The following CFAP20 variants were observed in gnomAD, a reference collection of about 807,000 sequenced individuals.
CFAP20 encodes the protein cilia and flagella associated protein 20.
A neutral mutation model predicts 25.5 loss-of-function variants in CFAP20; 14 were observed. The ratio of observed to expected loss-of-function variants is 0.55; its 90% CI spans 0.36 to 0.86. The LOEUF (loss-of-function observed/expected upper bound fraction) is 0.86, where lower values mean the gene tolerates loss of function less well. Among genes scored for constraint, CFAP20 ranks in the 40% least tolerant of loss-of-function variants. The pLI is 0.01. For missense variants in CFAP20, 181 were observed against 248.0 expected, an observed-to-expected ratio of 0.73 and a Z score of 1.81; for synonymous variants, 75 against 91.1, an observed-to-expected ratio of 0.82 and a Z score of 1.01.
At chr16:58,116,424 GA>G (rs1171185245) in intron 2 of CFAP20, 1 of 341,758 alleles carries the variant, frequency 2.9e-6, no homozygotes, top group Non-Finnish European at 5.4e-6. Context: ...TCCAGTGAGA[GA>G]AGACCTCAAT....
intron 1 of CFAP20, among the ~76,000 whole-genome samples, chr16:58,117,654 C>T (rs904833120): frequency 6.6e-5 from 10 of 151,992 alleles, no homozygotes; most frequent in African/African-American, 1.9e-4. Context: ...AGGCTGGTCT[C>T]GAACTCCTGA....
intron 1 of CFAP20, among the ~76,000 whole-genome samples, chr16:58,128,065 T>C (rs1960644149): frequency 6.6e-6 from 1 of 152,202 alleles, no homozygotes; most frequent in South Asian, 2.1e-4. Flanking sequence ...ACTAAGAATA[T>C]GACTTAAATT....
chr16:58,115,832 T>C (rs1455403410), intron 3 of CFAP20: 1 of 515,006 alleles, frequency 1.9e-6, no homozygotes, highest in Admixed American at 3.4e-5. Flanking sequence ...TTACTAGGTT[T>C]TCTAGGTGCT....
chr16:58,128,903 C>CA, intron 1 of CFAP20, 129 bp downstream of exon 1: 1 of 840,100 alleles, frequency 1.2e-6, no homozygotes, highest in Non-Finnish European at 1.6e-6. Flanking sequence ...AGGCTGGGGA[C>CA]AAGGCACAGC....
At position 58,116,971 on chromosome 16, in the gene CFAP20, AT is replaced by A. The variant is rs1960465978; in HGVS notation, c.85-21del. 6.2e-7 allele frequency: 1 copy of A among 1,606,546 alleles called. No individual in the cohort carries two copies. On this transcript the variant is annotated intron_variant, in intron 1 of 5. Transcript: ENST00000262498. ...CCGTACCTACAAGAAAGAAAATTCG[AT>A]TAGTACTGAAATATCTGACAAGGCT...
At chr16:58,126,044 C>T (rs376112071) in intron 1 of CFAP20, among the ~76,000 whole-genome samples, 16 of 152,106 alleles carry the variant, frequency 1.1e-4, no homozygotes, top group African/African-American at 1.4e-4. Context: ...TCTTCATAAC[C>T]GTGAGAAATA....
chr16:58,119,359 A>G (rs993449341), intron 1 of CFAP20: 3 of 152,242 alleles, frequency 2.0e-5, no homozygotes, highest in African/African-American at 7.2e-5. Context: ...AAGCGTTCAA[A>G]TATTTGCTGA....
At chr16:58,115,731 T>A (rs1960449053) in intron 3 of CFAP20, 1 of 539,968 alleles carries the variant, frequency 1.9e-6, no homozygotes, top group African/African-American at 1.9e-5. Flanking sequence ...TTCTTCCTTT[T>A]GAAAAATCAG....
intron 4 of CFAP20, 71 bp from the exon 5 acceptor site, chr16:58,114,991 G>T: frequency 7.3e-7 from 1 of 1,369,598 alleles, no homozygotes; most frequent in Non-Finnish European, 1.0e-6. Context: ...TCTTCTAGAG[G>T]CCCTCTTCCA....
intron 1 of CFAP20, among the ~76,000 whole-genome samples, chr16:58,123,579 G>T (rs1249467760): frequency 2.0e-5 from 2 of 99,432 alleles, no homozygotes; most frequent in African/African-American, 7.5e-5. Context: ...CTGGGGGACA[G>T]AGCAAGACTC....
chr16:58,114,525 C>CA lies in CFAP20; in HGVS notation c.576+284dup, dbSNP rs57272078. 2.3e-3 allele frequency among the ~76,000 whole-genome samples: 296 copies of CA among 128,792 alleles called. 1 individual carries two copies. The highest frequency in any genetic ancestry group is 4.0e-3 in the Middle Eastern group (1 of 248). The allele number at this position is 128,792 out of a possible 152,430, so 84.5% of individuals were successfully genotyped here. ...TGGGCAACAGGGCAAGACTCCATCT[C>CA]AAAAAAAAAAAAAAGTTAAGATATT... On this transcript the variant is annotated intron_variant, in intron 5 of 5. Transcript: ENST00000262498.
chr16:58,117,102 C>T lies in CFAP20; in HGVS notation c.85-151G>A. 3 of 636,066 alleles carry T rather than the reference C, an allele frequency of 4.7e-6. No homozygotes were observed. The South Asian group carries it at 6.1e-5, about 13-fold the overall frequency. The allele number at this position is 636,066 out of a possible 1,614,324, so 39.4% of individuals were successfully genotyped here. A position where few individuals can be genotyped will look rare whatever the true frequency, so the allele number is the denominator to read the frequency against. ...ATGTAAGTAAGCCAAGCTATTACCT[C>T]TAGACAGGGTCACACCAACCACCAA... On this transcript the variant is annotated intron_variant, in intron 1 of 5. Transcript: ENST00000262498.
chr16:58,117,727 C>G (rs968177014), intron 1 of CFAP20, among the ~76,000 whole-genome samples: 2 of 152,232 alleles, frequency 1.3e-5, no homozygotes, highest in African/African-American at 2.4e-5. Context: ...GCCACTGCGC[C>G]CGTCCTGCCT....
Position 58,115,314 on chromosome 16 carries a change from T to C in CFAP20, c.420A>G (p.Thr140=), listed in dbSNP as rs1960443015. 2.5e-6 allele frequency: 4 copies of C among 1,614,196 alleles called. No homozygotes were observed. The highest frequency in any genetic ancestry group is 2.2e-5 in the East Asian group (1 of 44,884). Residue 140 remains threonine, a synonymous_variant, in exon 4 of 6, where the codon ACA becomes ACG. Coordinates refer to ENST00000262498, the MANE Select transcript of CFAP20 (RefSeq NM_013242.3). The part of the protein sequence containing the change: ...NQIQFNLLDF[T]RRAYGTNYIE... ...TGTAATTGGTGCCGTATGCTCGCCG[T>C]GTGAAGTCTAGCAAGTTGAACTGAA...
intron 1 of CFAP20, among the ~76,000 whole-genome samples, chr16:58,127,812 C>T (rs929866070): frequency 6.6e-6 from 1 of 152,170 alleles, no homozygotes; most frequent in Non-Finnish European, 1.5e-5. Context: ...CTAAAAGCTG[C>T]CCTCAGAACG....
chr16:58,128,175 G>A (rs1240808878), intron 1 of CFAP20, among the ~76,000 whole-genome samples: 2 of 152,112 alleles, frequency 1.3e-5, no homozygotes, highest in Non-Finnish European at 2.9e-5. Flanking sequence ...ATAAAATGCA[G>A]ACCAATTCAT....
chr16:58,114,525 CA>C (rs57272078), intron 5 of CFAP20, among the ~76,000 whole-genome samples: 186 of 128,804 alleles, frequency 1.4e-3, no homozygotes, highest in South Asian at 6.2e-3. Flanking sequence ...GACTCCATCT[CA>C]AAAAAAAAAA....
At chr16:58,118,209 G>A (rs980371701) in intron 1 of CFAP20, among the ~76,000 whole-genome samples, 7 of 152,376 alleles carry the variant, frequency 4.6e-5, no homozygotes, top group Non-Finnish European at 8.8e-5. Context: ...GCCAGGCACA[G>A]TGGCTCATGC....
chr16:58,122,121 C>T (rs1269785742), intron 1 of CFAP20, among the ~76,000 whole-genome samples: 6 of 152,130 alleles, frequency 3.9e-5, no homozygotes, highest in African/African-American at 1.2e-4. Context: ...AGCATAGCTC[C>T]GACTCAGACT....
Sources: allele counts gnomAD v4.1 joint callset (sites outside exome capture counted in the v4.1 genomes callset), GRCh38; gene constraint gnomAD v4.1.1; transcripts MANE v1.5; gene names NCBI Gene and HGNC (gene_info 2026-07-23, HGNC 2026-07-21).